Variants in SNX27 observed in about 807,000 individuals in gnomAD.
SNX27 encodes the protein sorting nexin-27.
In SNX27, 22 loss-of-function variants were observed where a neutral mutation model predicts 71.6. The ratio of observed to expected loss-of-function variants is 0.31; its 90% CI spans 0.22 to 0.44. The LOEUF (loss-of-function observed/expected upper bound fraction) is 0.44. Among genes scored for constraint, SNX27 ranks in the 20% least tolerant of loss-of-function variants. The pLI, the probability that SNX27 is intolerant of heterozygous loss-of-function variation, is 1.00. For synonymous variants in SNX27, 269 were observed against 277.2 expected (o/e 0.97, Z 0.29); for missense variants, 531 against 698.6 (o/e 0.76, Z 2.70).
intron 5 of SNX27, among the ~76,000 whole-genome samples, chr1:151,663,083 T>C (rs544039908): frequency 6.8e-4 from 104 of 152,218 alleles, no homozygotes; most frequent in Non-Finnish European, 1.2e-3. Flanking sequence ...TTTCCAATTG[T>C]CTAAAAATGA....
chr1:151,684,461 T>C (rs1177426477), intron 8 of SNX27, among the ~76,000 whole-genome samples: 2 of 152,194 alleles, frequency 1.3e-5, no homozygotes, highest in Non-Finnish European at 2.9e-5. Flanking sequence ...TTTAAATTCA[T>C]TTTCAATTTG....
intron 2 of SNX27, among the ~76,000 whole-genome samples, chr1:151,642,679 C>G (rs11204863): frequency 0.021 from 3,191 of 152,010 alleles, 112 homozygotes; most frequent in African/African-American, 0.073. Context: ...TGCTCTGTCA[C>G]CCAGGCTGGA....
rs956186441 is a variant in SNX27, at chr1:151,612,592, C to G, written c.311+80C>G. On this transcript the variant is annotated intron_variant, in intron 1 of 11. Transcript: ENST00000458013. The surrounding 1 kb of genome is among the most constrained non-coding windows in gnomAD (Gnocchi z 5.2). ...CACTCCTCGCTACCCTTGTCACCCC[C>G]AGGCCGCACCTCCCCCGAGCTCCGA... The G allele has an allele frequency of 9.3e-7, 1 of 1,079,992 alleles. No homozygotes were observed. The highest frequency in any genetic ancestry group is 1.2e-6 in the Non-Finnish European group (1 of 835,760). 66.9% of individuals were successfully genotyped at this position (1,079,992 alleles called of 1,614,324 possible).
At chr1:151,652,635 A>T (rs1380649062) in intron 2 of SNX27, among the ~76,000 whole-genome samples, 1 of 150,578 alleles carries the variant, frequency 6.6e-6, no homozygotes, top group East Asian at 2.0e-4. Flanking sequence ...CTGGTCTCGA[A>T]CTCCTGACGT....
intron 1 of SNX27, chr1:151,615,564 A>T: frequency 2.9e-6 from 1 of 350,648 alleles, no homozygotes; most frequent in Non-Finnish European, 4.0e-6. Flanking sequence ...CCAAGTTCTT[A>T]AAGTTTACCT....
intron 1 of SNX27, chr1:151,614,483 C>CA (rs1667341749): frequency 6.6e-6 from 1 of 152,180 alleles, no homozygotes; most frequent in Non-Finnish European, 1.5e-5. Context: ...GTCATCATGA[C>CA]CAGCTAATTT....
intron 2 of SNX27, among the ~76,000 whole-genome samples, chr1:151,648,364 G>A (rs1228675445): frequency 6.6e-6 from 1 of 150,510 alleles, no homozygotes; most frequent in East Asian, 2.0e-4. Flanking sequence ...GCGTTAAAGA[G>A]ATTAAACATG....
At chr1:151,634,953 C>T (rs935100368) in intron 1 of SNX27, among the ~76,000 whole-genome samples, 1 of 152,190 alleles carries the variant, frequency 6.6e-6, no homozygotes, top group African/African-American at 2.4e-5. Flanking sequence ...ACTGGGCAGT[C>T]AGTACTTTTG....
chr1:151,646,383 A>T (rs983885100), intron 2 of SNX27, among the ~76,000 whole-genome samples: 3 of 151,690 alleles, frequency 2.0e-5, no homozygotes, highest in African/African-American at 4.8e-5. Context: ...TAAATCTACT[A>T]TCTTGTTCTT....
rs973532700 is a variant in SNX27 at position 151,698,817 on chromosome 1, G to A, written c.*4400G>A. On this transcript the variant is annotated 3_prime_UTR_variant, in exon 12 of 12. Transcript: ENST00000458013. ...TATATCATGACCCCCTTTTAAGCCA[G>A]TGAGCTGGGCTTCAGTTTTTCCCAG... 1.3e-5 allele frequency: 2 copies of A among 152,754 alleles called. No homozygotes were observed. Among genetic ancestry groups the A allele is most frequent in the Admixed American group, 1.3e-4 (2 of 15,302 alleles). 9.5% of individuals were successfully genotyped at this position (152,754 alleles called of 1,614,324 possible). A position where few individuals can be genotyped will look rare whatever the true frequency, so the allele number is the denominator to read the frequency against.
chr1:151,667,716 A>G (rs1670267391), intron 6 of SNX27, among the ~76,000 whole-genome samples: 1 of 150,286 alleles, frequency 6.7e-6, no homozygotes, highest in African/African-American at 2.4e-5. Context: ...AGTCCCAGCT[A>G]CTTGGGAGGC....
intron 7 of SNX27, among the ~76,000 whole-genome samples, chr1:151,670,297 T>C (rs1670405517): frequency 6.6e-6 from 1 of 152,238 alleles, no homozygotes; most frequent in African/African-American, 2.4e-5. Context: ...ATTCATCCGT[T>C]GATGGATGCT....
chr1:151,623,056 T>TC (rs1261117753), intron 1 of SNX27, among the ~76,000 whole-genome samples: 1 of 147,546 alleles, frequency 6.8e-6, no homozygotes, highest in East Asian at 2.0e-4. Context: ...CACTGCAACC[T>TC]CCCCCTCCCA....
Position 151,660,450 on chromosome 1 carries a change from A to G in SNX27, c.737-348A>G, listed in dbSNP as rs1669913968. On this transcript the variant is annotated intron_variant, in intron 3 of 11. Transcript: ENST00000458013. ...GTTTATTCCTGATTAATCTTTCCCT[A>G]CCACTACCTCTTTACCCCATGTTCT... The G allele has an allele frequency of 3.0e-5, 5 of 169,312 alleles. No individual in the cohort carries two copies. The South Asian group carries it at 8.6e-4, about 29-fold the overall frequency. 10.5% of individuals were successfully genotyped at this position (169,312 alleles called of 1,614,324 possible).
intron 2 of SNX27, among the ~76,000 whole-genome samples, chr1:151,650,997 A>T (rs1669312290): frequency 6.6e-6 from 1 of 152,146 alleles, no homozygotes; most frequent in Non-Finnish European, 1.5e-5. Flanking sequence ...TCCCATGTCT[A>T]CTTCTTTCTA....
intron 2 of SNX27, among the ~76,000 whole-genome samples, chr1:151,651,485 C>T (rs532084166): frequency 4.2e-4 from 63 of 149,342 alleles, no homozygotes; most frequent in African/African-American, 1.5e-3. Context: ...ACTTCTCAGA[C>T]GAGGCGGTTG....
chr1:151,658,414 A>T lies in SNX27; in HGVS notation c.723A>T (p.Glu241Asp). The part of the protein sequence containing the change: ...QLDARRRGLE[E>D]YLEKVCSIRV... The stretch of plus-strand genomic sequence containing the variant: ...ATGCCCGACGTCGGGGATTGGAAGA[A>T]TATCTAGAAAAAGGTAATCCAAACC... Residue 241 changes from glutamate (E) to aspartate (D), a missense_variant, in exon 3 of 12, where the codon GAA becomes GAT. By Grantham distance (45) the Glu-to-Asp change is conservative (BLOSUM62 2). This residue lies in a region of SNX27 where 184 missense variants were observed against 289.6 expected (regional missense o/e 0.64). Coordinates refer to ENST00000458013, the MANE Select transcript of SNX27 (RefSeq NM_001330723.2). The T allele has an allele frequency of 6.2e-7, 1 of 1,613,914 alleles. No individual in the cohort carries two copies. Among genetic ancestry groups the T allele is most frequent in the East Asian group, 2.2e-5 (1 of 44,868 alleles).
In SNX27 at chr1:151,638,714, A is replaced by G. The variant is rs186164572; in HGVS notation, c.312-174A>G. 373 of 639,864 alleles carry G rather than the reference A, an allele frequency of 5.8e-4. 2 individuals carry two copies. In the East Asian group the frequency reaches 9.8e-3, roughly 17 times the overall value. 39.6% of individuals were successfully genotyped at this position (639,864 alleles called of 1,614,324 possible). On this transcript the variant is annotated intron_variant, in intron 1 of 11. Coordinates refer to ENST00000458013, the MANE Select transcript of SNX27 (RefSeq NM_001330723.2). The stretch of plus-strand genomic sequence containing the variant: ...TTTTTCCCCCCGCCATAAGTTCACA[A>G]AGTTTTTCACATTAGAAACTGTTAA...
chr1:151,620,694 C>CTTTTTTTTTTTTTTTTTTTTT (rs35641892), intron 1 of SNX27, among the ~76,000 whole-genome samples: 1 of 143,736 alleles, frequency 7.0e-6, no homozygotes. Flanking sequence ...TTTGAAGATG[C>CTTTTTTTTTTTTTTTTTTTTT]TTTTTTTTTT....
Sources: allele counts gnomAD v4.1 joint callset (sites outside exome capture counted in the v4.1 genomes callset), GRCh38; gene constraint gnomAD v4.1.1; regional missense constraint gnomAD v4.1.1; non-coding constraint Gnocchi (gnomAD v3.1); transcripts MANE v1.5; gene names NCBI Gene and HGNC (gene_info 2026-07-23, HGNC 2026-07-21).